Variants in NCKAP5 observed in about 807,000 individuals in gnomAD.
The protein encoded by NCKAP5 is nck-associated protein 5.
In NCKAP5, 92 loss-of-function variants were observed where a neutral mutation model predicts 167.0. The ratio of observed to expected loss-of-function variants is 0.55; its 90% CI spans 0.47 to 0.66. The LOEUF is 0.66. Among genes scored for constraint, NCKAP5 ranks in the 30% least tolerant of loss-of-function variants. The pLI is 0.00. For missense variants in NCKAP5, 2,378 were observed against 2,315.0 expected, an observed-to-expected ratio of 1.03 and a Z score of -0.56; for synonymous variants, 891 against 877.4, an observed-to-expected ratio of 1.02 and a Z score of -0.27.
intron 4 of NCKAP5, among the ~76,000 whole-genome samples, chr2:133,255,038 T>A (rs1319533998): frequency 6.6e-6 from 1 of 152,036 alleles, no homozygotes; most frequent in African/African-American, 2.4e-5. Flanking sequence ...GAAAAAAAAG[T>A]TTTCTTTTAT....
chr2:132,990,299 T>C (rs1224141432), intron 7 of NCKAP5, among the ~76,000 whole-genome samples: 1 of 152,206 alleles, frequency 6.6e-6, no homozygotes. Context: ...TGAATATATA[T>C]GATTATCTAC....
chr2:133,091,957 AT>A (rs1179053760), intron 6 of NCKAP5, among the ~76,000 whole-genome samples: 3 of 152,158 alleles, frequency 2.0e-5, no homozygotes, highest in African/African-American at 7.2e-5. Context: ...TCTTTCCAGG[AT>A]AAAGCCATGT....
chr2:133,269,220 A>T (rs1373577376), intron 4 of NCKAP5, among the ~76,000 whole-genome samples: 1 of 152,240 alleles, frequency 6.6e-6, no homozygotes, highest in Non-Finnish European at 1.5e-5. Context: ...GTGTTGGAAT[A>T]TATGAAGGAA....
At chr2:132,895,676 A>G (rs2148889452) in intron 8 of NCKAP5, among the ~76,000 whole-genome samples, 1 of 152,096 alleles carries the variant, frequency 6.6e-6, no homozygotes, top group East Asian at 1.9e-4. Context: ...GCCCTCAACA[A>G]ACTTTATCAC....
intron 3 of NCKAP5, among the ~76,000 whole-genome samples, chr2:133,392,355 A>G (rs990175166): frequency 5.9e-5 from 9 of 152,220 alleles, no homozygotes; most frequent in East Asian, 1.9e-4. Context: ...ATAGGAAGCT[A>G]TATCATCCAG....
chr2:133,584,738 TG>T, the NCKAP5 span, among the ~76,000 whole-genome samples: 1 of 152,086 alleles, frequency 6.6e-6, no homozygotes, highest in African/African-American at 2.4e-5. Context: ...TGTTCCAGTC[TG>T]GGAAACAGAG....
At chr2:132,999,000 A>G (rs997258166) in intron 6 of NCKAP5, among the ~76,000 whole-genome samples, 1 of 152,176 alleles carries the variant, frequency 6.6e-6, no homozygotes, top group Non-Finnish European at 1.5e-5. Flanking sequence ...AGTAGCTGCC[A>G]TAACTAAAAA....
intron 6 of NCKAP5, among the ~76,000 whole-genome samples, chr2:133,014,747 C>A (rs931116664): frequency 6.6e-6 from 1 of 152,150 alleles, no homozygotes; most frequent in Non-Finnish European, 1.5e-5. Context: ...ACTGCCCAAG[C>A]CTCTTTGGCA....
intron 3 of NCKAP5, among the ~76,000 whole-genome samples, chr2:133,341,799 GC>G (rs1194530257): frequency 6.6e-6 from 1 of 152,154 alleles, no homozygotes; most frequent in Non-Finnish European, 1.5e-5. Flanking sequence ...CTGGGACAGA[GC>G]CTGGACTTTA....
chr2:133,498,480 AAGGCAGGCAGGC>A (rs60553398), intron 3 of NCKAP5, among the ~76,000 whole-genome samples: 5 of 101,752 alleles, frequency 4.9e-5, no homozygotes, highest in South Asian at 3.5e-4. Context: ...GGAAGGAAGG[AAGGCAGGCAGGC>A]AGGCAGGCAG....
chr2:132,970,553 T>C (rs983316971), intron 7 of NCKAP5, among the ~76,000 whole-genome samples: 5 of 152,214 alleles, frequency 3.3e-5, no homozygotes, highest in Admixed American at 6.5e-5. Context: ...TAAGCTTGTT[T>C]ACCTCAACAA....
intron 2 of NCKAP5, among the ~76,000 whole-genome samples, chr2:133,526,144 G>T (rs1684851268): frequency 6.8e-6 from 1 of 147,382 alleles, no homozygotes; most frequent in Admixed American, 6.9e-5. Flanking sequence ...AAAGAAGAAG[G>T]GAGGAACAGA....
chr2:133,120,005 C>T (rs976963482), intron 6 of NCKAP5, among the ~76,000 whole-genome samples: 2 of 151,918 alleles, frequency 1.3e-5, no homozygotes, highest in Non-Finnish European at 2.9e-5. Context: ...ATGGGGATAT[C>T]AATATTAATT....
chr2:133,406,889 T>G (rs1237659929), intron 3 of NCKAP5, among the ~76,000 whole-genome samples: 1 of 152,220 alleles, frequency 6.6e-6, no homozygotes, highest in Non-Finnish European at 1.5e-5. Context: ...GGACCTGCAT[T>G]ATTCCTATCA....
chr2:133,658,318 C>A, the NCKAP5 span, among the ~76,000 whole-genome samples: 35 of 152,194 alleles, frequency 2.3e-4, no homozygotes, highest in African/African-American at 8.4e-4. Context: ...ATTTAAGTTG[C>A]AATAGGAGCT....
intron 2 of NCKAP5, among the ~76,000 whole-genome samples, chr2:133,519,322 C>T (rs1279627075): frequency 2.0e-5 from 3 of 152,152 alleles, no homozygotes; most frequent in East Asian, 1.9e-4. Flanking sequence ...GGATAAAATC[C>T]AAAGTTTTCA....
At chr2:133,504,185 T>G (rs1224129328) in intron 3 of NCKAP5, among the ~76,000 whole-genome samples, 3 of 151,508 alleles carry the variant, frequency 2.0e-5, no homozygotes, top group African/African-American at 7.3e-5. Context: ...AGCAATCTTC[T>G]GGTGAGTCCT....
rs1690730709 is a variant in NCKAP5 at position 132,728,966 on chromosome 2, CG to C, written c.5444-15del. On this transcript the variant is annotated splice_polypyrimidine_tract_variant and intron_variant, in intron 17 of 19. Transcript: ENST00000409261. ...AACTGACTTTTCCTAAATGAGGACA[CG>C]TATGTGGAATCACATATCACCTTTC... The C allele has an allele frequency of 6.2e-7, 1 of 1,613,422 alleles. No individual in the cohort carries two copies. Among genetic ancestry groups the C allele is most frequent in the African/African-American group, 1.3e-5 (1 of 74,880 alleles).
intron 6 of NCKAP5, among the ~76,000 whole-genome samples, chr2:133,013,060 G>A (rs1443989258): frequency 6.6e-6 from 1 of 152,170 alleles, no homozygotes; most frequent in East Asian, 1.9e-4. Flanking sequence ...TATAAAGCCT[G>A]GGAACTGCAT....
Sources: gnomAD v4.1 joint callset for allele counts (sites outside exome capture counted in the v4.1 genomes callset) on GRCh38, gnomAD v4.1.1 for gene constraint, MANE v1.5 for transcripts, NCBI Gene and HGNC (gene_info 2026-07-23, HGNC 2026-07-21) for gene names.